The following B3GAT2 variants were observed in gnomAD, a reference collection of about 807,000 sequenced individuals.
B3GAT2 encodes the protein beta-1,3-glucuronyltransferase 2, also known as galactosylgalactosylxylosylprotein 3-beta-glucuronosyltransferase 2.
A neutral mutation model predicts 27.8 loss-of-function variants in B3GAT2; 26 were observed. The observed-to-expected ratio is 0.93, with a 90% CI of 0.68 to 1.30. B3GAT2 has a LOEUF of 1.30. Ranked by LOEUF, B3GAT2 falls within the 50% of genes most tolerant of loss-of-function variation. The pLI, the probability that B3GAT2 is intolerant of heterozygous loss-of-function variation, is 0.00. For synonymous variants in B3GAT2, 218 were observed against 195.1 expected, an observed-to-expected ratio of 1.12 and a Z score of -0.98; for missense variants, 458 against 459.0, an observed-to-expected ratio of 1.00 and a Z score of 0.02.
chr6:70,929,433 T>C (rs1455865059), intron 1 of B3GAT2, among the ~76,000 whole-genome samples: 2 of 152,168 alleles, frequency 1.3e-5, no homozygotes, highest in Non-Finnish European at 2.9e-5. Flanking sequence ...ATGACATGAC[T>C]GTATATTTAG....
chr6:70,917,960 T>C (rs992641668), intron 1 of B3GAT2, among the ~76,000 whole-genome samples: 1 of 152,172 alleles, frequency 6.6e-6, no homozygotes, highest in Non-Finnish European at 1.5e-5. Flanking sequence ...CTTGTTAACT[T>C]TCTGTCTCGT....
chr6:70,947,088 A>C (rs1326061244), intron 1 of B3GAT2, among the ~76,000 whole-genome samples: 1 of 152,208 alleles, frequency 6.6e-6, no homozygotes, highest in Non-Finnish European at 1.5e-5. Flanking sequence ...AGCAGTGTGT[A>C]GAGGGAAATT....
intron 2 of B3GAT2, among the ~76,000 whole-genome samples, chr6:70,884,107 AAAAAAAC>A (rs1772143414): frequency 6.9e-6 from 1 of 144,122 alleles, no homozygotes; most frequent in African/African-American, 2.7e-5. Flanking sequence ...AAAAAAAAAA[AAAAAAAC>A]AAAAAAAACC....
Position 70,894,275 on chromosome 6 carries a change from A to T in B3GAT2, c.592-3T>A, listed in dbSNP as rs1168679914. 2 of 1,571,756 alleles carry T rather than the reference A, an allele frequency of 1.3e-6. No homozygotes were observed. Among genetic ancestry groups the T allele is most frequent in the Non-Finnish European group, 1.7e-6 (2 of 1,159,302 alleles). On this transcript the variant is annotated splice_polypyrimidine_tract_variant and splice_region_variant and intron_variant, in intron 1 of 3. Coordinates refer to ENST00000230053, the MANE Select transcript of B3GAT2 (RefSeq NM_080742.3). The stretch of plus-strand genomic sequence containing the variant: ...GAGACCTTGCGGGTGGTTCGCATCT[A>T]TAAAAAGGGAAAAGACATGTGTTTT...
rs868072044 is a variant in B3GAT2 at position 70,860,840 on chromosome 6, G to A, written c.*823C>T. The A allele has an allele frequency of 5.1e-6, 2 of 395,598 alleles. No individual in the cohort carries two copies. Among genetic ancestry groups the A allele is most frequent in the Non-Finnish European group, 8.9e-6 (2 of 224,166 alleles). The allele number at this position is 395,598 out of a possible 1,614,324, so 24.5% of individuals were successfully genotyped here. A position where few individuals can be genotyped will look rare whatever the true frequency, so the allele number is the denominator to read the frequency against. Reference sequence around the variant, plus strand: ...ATTTCATCATTCACTTCACTGTGCTGTTGTTATGATGTGCTTAACAGGGAA... The same window carrying A: ...ATTTCATCATTCACTTCACTGTGCTATTGTTATGATGTGCTTAACAGGGAA... On this transcript the variant is annotated 3_prime_UTR_variant, in exon 4 of 4. Coordinates refer to ENST00000230053, the MANE Select transcript of B3GAT2 (RefSeq NM_080742.3).
intron 2 of B3GAT2, among the ~76,000 whole-genome samples, chr6:70,866,576 C>CAGACACTGCTGCT (rs1771854183): frequency 6.6e-6 from 1 of 152,042 alleles, no homozygotes; most frequent in South Asian, 2.1e-4. Context: ...GGATTAGCAG[C>CAGACACTGCTGCT]AGAGGAGACA....
chr6:70,910,659 A>T (rs1458759568), intron 1 of B3GAT2, among the ~76,000 whole-genome samples: 1 of 152,248 alleles, frequency 6.6e-6, no homozygotes, highest in Non-Finnish European at 1.5e-5. Context: ...TCTTTATGGT[A>T]GAATGATTTC....
chr6:70,857,027 C>G lies in B3GAT2; in HGVS notation c.*4636G>C. 2.5e-6 allele frequency: 4 copies of G among 1,598,568 alleles called. No homozygotes were observed. Among genetic ancestry groups the G allele is most frequent in the East Asian group, 2.2e-5 (1 of 44,680 alleles). Reference sequence around the variant, plus strand: ...AGGAACCATTCAACAGCAAAGTACTCCTGGTAATGAATTTTGATATCTGCT... The same window carrying G: ...AGGAACCATTCAACAGCAAAGTACTGCTGGTAATGAATTTTGATATCTGCT... On this transcript the variant is annotated 3_prime_UTR_variant, in exon 4 of 4. Coordinates refer to ENST00000230053, the MANE Select transcript of B3GAT2 (RefSeq NM_080742.3).
chr6:70,934,231 A>G (rs1773104430), intron 1 of B3GAT2, among the ~76,000 whole-genome samples: 6 of 152,234 alleles, frequency 3.9e-5, no homozygotes, highest in Non-Finnish European at 7.3e-5. Context: ...ATGTGAATGC[A>G]GATAACTTTA....
Position 70,861,540 on chromosome 6 carries a change from C to CAAGA in B3GAT2, c.*119_*122dup. 1.2e-6 allele frequency: 1 copy of CAAGA among 804,030 alleles called. No homozygotes were observed. Among genetic ancestry groups the CAAGA allele is most frequent in the Admixed American group, 2.7e-5 (1 of 37,238 alleles). The allele number at this position is 804,030 out of a possible 1,614,324, so 49.8% of individuals were successfully genotyped here. The stretch of plus-strand genomic sequence containing the variant: ...ATTTAAACAGATGTCCATCAGATGA[C>CAAGA]AAGAAAGGCTGCTGTACTGAAGTAA... On this transcript the variant is annotated 3_prime_UTR_variant, in exon 4 of 4. Transcript: ENST00000230053.
chr6:70,896,561 C>T (rs575951222), intron 1 of B3GAT2, among the ~76,000 whole-genome samples: 2 of 152,264 alleles, frequency 1.3e-5, no homozygotes, highest in African/African-American at 4.8e-5. Context: ...TATCACCCAT[C>T]GCCAGGAAAC....
intron 2 of B3GAT2, among the ~76,000 whole-genome samples, chr6:70,882,758 G>A (rs1453637444): frequency 2.6e-5 from 4 of 152,190 alleles, no homozygotes; most frequent in African/African-American, 4.8e-5. Flanking sequence ...AAAAAGAGGA[G>A]AGAGTGGAGA....
chr6:70,876,488 C>T (rs1772016270), intron 2 of B3GAT2, among the ~76,000 whole-genome samples: 1 of 152,176 alleles, frequency 6.6e-6, no homozygotes, highest in Non-Finnish European at 1.5e-5. Flanking sequence ...CAGGAAGGTA[C>T]TTTCACTGTT....
At position 70,857,379 on chromosome 6, in the gene B3GAT2, G is replaced by T. The variant is rs1771472704; in HGVS notation, c.*4284C>A. 1 of 178,280 alleles carries T rather than the reference G, an allele frequency of 5.6e-6. No homozygotes were observed. The highest frequency in any genetic ancestry group is 5.8e-5 in the Admixed American group (1 of 17,276). 11.0% of individuals were successfully genotyped at this position (178,280 alleles called of 1,614,324 possible). A position where few individuals can be genotyped will look rare whatever the true frequency, so the allele number is the denominator to read the frequency against. On this transcript the variant is annotated 3_prime_UTR_variant, in exon 4 of 4. Transcript: ENST00000230053. Reference sequence around the variant, plus strand: ...TTTCTCTGCAGGTAAACAGTCTTGAGTTACCACATGGATTAAAAAAAATCT... The same window carrying T: ...TTTCTCTGCAGGTAAACAGTCTTGATTTACCACATGGATTAAAAAAAATCT...
chr6:70,919,261 C>A (rs903390129), intron 1 of B3GAT2, among the ~76,000 whole-genome samples: 3 of 152,144 alleles, frequency 2.0e-5, no homozygotes, highest in African/African-American at 4.8e-5. Context: ...CATTTATATT[C>A]TTCTCTACAC....
chr6:70,956,661 G>C lies in B3GAT2; in HGVS notation c.-232C>G. The C allele has an allele frequency of 7.2e-7, 1 of 1,388,004 alleles. No homozygotes were observed. Among genetic ancestry groups the C allele is most frequent in the Admixed American group, 3.2e-5 (1 of 31,600 alleles). The allele number at this position is 1,388,004 out of a possible 1,614,324, so 86.0% of individuals were successfully genotyped here. A position where few individuals can be genotyped will look rare whatever the true frequency, so the allele number is the denominator to read the frequency against. Reference sequence around the variant, plus strand: ...AAGGGGTGCAGGCGGGCGGGCAGGGGCTGCCCCCGACTCCAGGTGAGCTGG... The same window carrying C: ...AAGGGGTGCAGGCGGGCGGGCAGGGCCTGCCCCCGACTCCAGGTGAGCTGG... On this transcript the variant is annotated 5_prime_UTR_variant, in exon 1 of 4. Transcript: ENST00000230053.
At chr6:70,944,113 A>AACAGCTCCGGTCT (rs1466752742) in intron 1 of B3GAT2, among the ~76,000 whole-genome samples, 9 of 152,170 alleles carry the variant, frequency 5.9e-5, no homozygotes, top group Non-Finnish European at 1.2e-4. Flanking sequence ...GCCAAATAGG[A>AACAGCTCCGGTCT]ACAGCTCCGG....
rs1284419179 is a variant in B3GAT2, at chr6:70,956,940, G to C, written c.-511C>G. On this transcript the variant is annotated 5_prime_UTR_variant, in exon 1 of 4. Transcript: ENST00000230053. ...CTTTCCTTCCTCACATTCCCGCCGG[G>C]GTGGCGAGGAGCGGGTGGAGACGCT... 2 of 1,014,054 alleles carry C rather than the reference G, an allele frequency of 2.0e-6. No homozygotes were observed. The highest frequency in any genetic ancestry group is 1.2e-6 in the Non-Finnish European group (1 of 849,276). The allele number at this position is 1,014,054 out of a possible 1,614,324, so 62.8% of individuals were successfully genotyped here.
intron 2 of B3GAT2, among the ~76,000 whole-genome samples, chr6:70,873,734 C>T (rs554027595): frequency 4.6e-5 from 7 of 151,490 alleles, no homozygotes; most frequent in Non-Finnish European, 7.4e-5. Flanking sequence ...GTTCATTTTT[C>T]GTCATTCTTT....
Sources: gnomAD v4.1 joint callset for allele counts (sites outside exome capture counted in the v4.1 genomes callset) on GRCh38, gnomAD v4.1.1 for gene constraint, MANE v1.5 for transcripts, NCBI Gene and HGNC (gene_info 2026-07-23, HGNC 2026-07-21) for gene names.